The following CCZ1 variants were observed in gnomAD, a reference collection of about 807,000 sequenced individuals.
The protein encoded by CCZ1 is CCZ1 vacuolar protein trafficking and biogenesis associated.
A neutral mutation model predicts 57.8 loss-of-function variants in CCZ1; 19 were observed. The ratio of observed to expected loss-of-function variants is 0.33; its 90% CI spans 0.23 to 0.48. The LOEUF is 0.48. Among genes scored for constraint, CCZ1 ranks in the 20% least tolerant of loss-of-function variants. CCZ1 has a pLI of 0.99. For synonymous variants in CCZ1, 81 were observed against 167.0 expected (o/e 0.49, Z 3.97); for missense variants, 200 against 492.0 (o/e 0.41, Z 5.61).
At chr7:5,901,605 G>A in intron 4 of CCZ1, 52 bp from the exon 5 acceptor site, 1 of 1,559,824 alleles carries the variant, frequency 6.4e-7, no homozygotes, top group East Asian at 2.5e-5. Flanking sequence ...CTATCCAGTA[G>A]ACATTGTTTT....
chr7:5,925,618 T>G lies in CCZ1; in HGVS notation c.1394-14T>G. 6.2e-7 allele frequency: 1 copy of G among 1,610,064 alleles called. No individual in the cohort carries two copies. Among genetic ancestry groups the G allele is most frequent in the African/African-American group, 1.3e-5 (1 of 74,770 alleles). ...ACTGCCTCTTCCTTCCTCACTGTTG[T>G]GTCCTTGTTGCAGAAGAGGTCAAGA... On this transcript the variant is annotated splice_polypyrimidine_tract_variant and intron_variant, in intron 14 of 14. Coordinates refer to ENST00000325974, the MANE Select transcript of CCZ1 (RefSeq NM_015622.6).
chr7:5,922,942 C>G (rs545857125), intron 12 of CCZ1, among the ~76,000 whole-genome samples: 1 of 150,146 alleles, frequency 6.7e-6, no homozygotes, highest in Admixed American at 6.6e-5. Flanking sequence ...TAAAACTACT[C>G]AACTGTCATT....
intron 6 of CCZ1, 60 bp from the exon 7 acceptor site, chr7:5,905,034 A>G: frequency 1.5e-6 from 2 of 1,377,162 alleles, no homozygotes; most frequent in Non-Finnish European, 2.0e-6. Flanking sequence ...TTCAGTTATC[A>G]AGGAGCATTA....
At chr7:5,908,915 T>C (rs1413811812) in intron 7 of CCZ1, among the ~76,000 whole-genome samples, 2 of 147,526 alleles carry the variant, frequency 1.4e-5, no homozygotes, top group African/African-American at 5.0e-5. Flanking sequence ...TGTACATTTC[T>C]GAGACCTAGG....
At chr7:5,912,327 C>T (rs1316860861) in intron 9 of CCZ1, among the ~76,000 whole-genome samples, 1 of 129,042 alleles carries the variant, frequency 7.7e-6, no homozygotes, top group Admixed American at 8.2e-5. Context: ...CAGTAATCAA[C>T]AAAGGAAAGT....
chr7:5,908,874 C>T (rs943117544), intron 7 of CCZ1, among the ~76,000 whole-genome samples: 10 of 147,468 alleles, frequency 6.8e-5, no homozygotes, highest in Non-Finnish European at 1.2e-4. Context: ...CCTCCTCTTT[C>T]TTCACCGAAG....
rs572897998 is a variant in CCZ1, at chr7:5,903,732, G to A, written c.522+988G>A. Among the ~76,000 whole-genome samples, 35 of 147,766 alleles carry A rather than the reference G, an allele frequency of 2.4e-4. 2 individuals are homozygous for A. In the South Asian group the frequency reaches 2.7e-3, roughly 11 times the overall value. Reference sequence around the variant, plus strand: ...CTCTTGGCTGGGTGTGGTGGCTTACGCCTGTGATCCCACCACTTTGGGAGG... The same window carrying A: ...CTCTTGGCTGGGTGTGGTGGCTTACACCTGTGATCCCACCACTTTGGGAGG... On this transcript the variant is annotated intron_variant, in intron 6 of 14. Coordinates refer to ENST00000325974, the MANE Select transcript of CCZ1 (RefSeq NM_015622.6).
At chr7:5,910,656 T>C (rs1272043382) in intron 8 of CCZ1, among the ~76,000 whole-genome samples, 1 of 145,712 alleles carries the variant, frequency 6.9e-6, no homozygotes. Flanking sequence ...GAGTGAGTCA[T>C]TGAGTAGAGG....
intron 7 of CCZ1, among the ~76,000 whole-genome samples, chr7:5,909,213 T>C (rs1448441834): frequency 1.3e-5 from 2 of 148,678 alleles, no homozygotes; most frequent in African/African-American, 2.5e-5. Flanking sequence ...TTTAACCCTT[T>C]ACCTTCCTTA....
In CCZ1 at chr7:5,898,743, G is replaced by C; in HGVS notation, c.-57G>C. 2 of 395,106 alleles carry C rather than the reference G, an allele frequency of 5.1e-6. No homozygotes were observed. Among genetic ancestry groups the C allele is most frequent in the Non-Finnish European group, 4.3e-6 (1 of 232,148 alleles). The allele number at this position is 395,106 out of a possible 1,614,324, so 24.5% of individuals were successfully genotyped here. ...AGGCGGAAGTGCGGTGTTTTAGCCG[G>C]TGGCTGCTGTCTCTGGGCGGGCCGT... On this transcript the variant is annotated 5_prime_UTR_variant, in exon 1 of 15. Coordinates refer to ENST00000325974, the MANE Select transcript of CCZ1 (RefSeq NM_015622.6).
At chr7:5,908,589 A>G (rs887128456) in intron 7 of CCZ1, among the ~76,000 whole-genome samples, 2 of 147,686 alleles carry the variant, frequency 1.4e-5, no homozygotes, top group Non-Finnish European at 3.0e-5. Flanking sequence ...CATGTTGGCC[A>G]GGCTGGTGTT....
At chr7:5,922,885 C>G (rs1256377612) in intron 12 of CCZ1, among the ~76,000 whole-genome samples, 1 of 150,178 alleles carries the variant, frequency 6.7e-6, no homozygotes, top group Non-Finnish European at 1.5e-5. Context: ...GGTAAAGGAC[C>G]CAATAATAAG....
Position 5,900,568 on chromosome 7 carries a change from T to C in CCZ1, c.312+2T>C, listed in dbSNP as rs1781663390. The C allele has an allele frequency of 6.2e-7, 1 of 1,601,318 alleles. No individual in the cohort carries two copies. The highest frequency in any genetic ancestry group is 8.5e-7 in the Non-Finnish European group (1 of 1,177,878). On this transcript the variant is annotated splice_donor_variant, in intron 3 of 14. Coordinates refer to ENST00000325974, the MANE Select transcript of CCZ1 (RefSeq NM_015622.6). LOFTEE classifies it high-confidence loss of function. ...GAAGAAAATTTCTGGATGGTCATGG[T>C]ATTTACATACACAGTGTATCTTTCT...
intron 6 of CCZ1, among the ~76,000 whole-genome samples, chr7:5,904,760 G>T (rs1170016522): frequency 6.8e-6 from 1 of 147,834 alleles, no homozygotes; most frequent in Non-Finnish European, 1.5e-5. Context: ...GAACCTGGAA[G>T]GCGGAGCTTG....
In CCZ1 at chr7:5,905,383, G is replaced by C. The variant is rs983772145; in HGVS notation, c.698+114G>C. On this transcript the variant is annotated intron_variant, in intron 7 of 14. Coordinates refer to ENST00000325974, the MANE Select transcript of CCZ1 (RefSeq NM_015622.6). ...GAACTTGCAGCGGGGAGGATGGGTAGGAAGCATCTTCATAGATATTGTCAA... is the reference window on the plus strand; with the variant it reads ...GAACTTGCAGCGGGGAGGATGGGTACGAAGCATCTTCATAGATATTGTCAA... 24 of 609,494 alleles carry C rather than the reference G, an allele frequency of 3.9e-5. No homozygotes were observed. The African/African-American group carries it at 4.1e-4, about 10-fold the overall frequency. 37.8% of individuals were successfully genotyped at this position (609,494 alleles called of 1,614,324 possible).
intron 12 of CCZ1, among the ~76,000 whole-genome samples, chr7:5,921,164 C>T (rs552939414): frequency 3.5e-4 from 45 of 129,718 alleles, no homozygotes; most frequent in East Asian, 3.3e-3. Flanking sequence ...CTCCTGACCT[C>T]GTGATCCACC....
chr7:5,899,334 GGTGTGT>G (rs869199583), intron 1 of CCZ1, among the ~76,000 whole-genome samples: 254 of 12,522 alleles, frequency 0.02, 13 homozygotes, highest in South Asian at 0.059. Context: ...TCGGGAGGGG[GGTGTGT>G]GTGTGTGTGT....
rs749084770 is a variant in CCZ1 at position 5,912,875 on chromosome 7, C to G, written c.875C>G (p.Pro292Arg). 1 of 1,590,488 alleles carries G rather than the reference C, an allele frequency of 6.3e-7. No individual in the cohort carries two copies. The highest frequency in any genetic ancestry group is 8.6e-7 in the Non-Finnish European group (1 of 1,161,814). The change falls in exon 10 of 15, where the codon CCA (proline) becomes CGA (arginine). Residue 292 changes from proline (P) to arginine (R), a missense_variant. Transcript: ENST00000325974. Reference sequence around the variant, plus strand: ...ACCGGACCCTTGAACCTCAATGATCCAGATGCAAAATGCAGATTCCCCAAA... The same window carrying G: ...ACCGGACCCTTGAACCTCAATGATCGAGATGCAAAATGCAGATTCCCCAAA... ...FLTGPLNLNDPDAKCRFPKIF... is the reference protein window; with the variant it reads ...FLTGPLNLNDRDAKCRFPKIF...
rs1249657725 is a variant in CCZ1, at chr7:5,914,550, C to T, written c.954+1596C>T. Among the ~76,000 whole-genome samples the T allele has an allele frequency of 2.0e-5, 3 of 147,872 alleles. No homozygotes were observed. In the East Asian group the frequency reaches 6.8e-4, roughly 33 times the overall value. ...TGAATTTGAGCGTAGAGTTCTTTGC[C>T]ATGCCAAGCTGTCAACCACAGATAA... is the stretch of plus-strand genomic sequence containing the variant. On this transcript the variant is annotated intron_variant, in intron 10 of 14. Coordinates refer to ENST00000325974, the MANE Select transcript of CCZ1 (RefSeq NM_015622.6).
Sources: allele counts gnomAD v4.1 joint callset (sites outside exome capture counted in the v4.1 genomes callset), GRCh38; gene constraint gnomAD v4.1.1; transcripts MANE v1.5; gene names NCBI Gene and HGNC (gene_info 2026-07-23, HGNC 2026-07-21).